Variants in PPM1L observed in about 807,000 individuals in gnomAD.
PPM1L encodes protein phosphatase, Mg2+/Mn2+ dependent 1L.
PPM1L carries 13 observed loss-of-function variants against 31.4 expected under a neutral mutation model. The observed-to-expected ratio is 0.41, with a 90% CI of 0.27 to 0.66. PPM1L has a LOEUF of 0.66. PPM1L is among the 30% of genes least tolerant of loss of function. The probability of loss-of-function intolerance (pLI) is 0.29; values close to 1 mark genes in which losing one functional copy is unlikely to be tolerated. For synonymous variants in PPM1L, 184 were observed against 175.4 expected (o/e 1.05, Z -0.39); for missense variants, 326 against 453.7 (o/e 0.72, Z 2.56).
intron 2 of PPM1L, among the ~76,000 whole-genome samples, chr3:160,993,509 C>G (rs903722709): frequency 2.6e-5 from 4 of 152,136 alleles, no homozygotes; most frequent in Non-Finnish European, 5.9e-5. Flanking sequence ...CTGCTCAGGT[C>G]TGGCAGTTGG....
rs1020352145 is a variant in PPM1L at position 160,914,099 on chromosome 3, G to A, written c.400-47637G>A. Among the ~76,000 whole-genome samples the A allele has an allele frequency of 4.6e-5, 7 of 152,116 alleles. No homozygotes were observed. In the South Asian group the frequency reaches 6.2e-4, roughly 14 times the overall value. On this transcript the variant is annotated intron_variant, in intron 1 of 3. Transcript: ENST00000498165. ...TTCCACATCTTTGCCAACACTTGGC[G>A]TAGACATTCTTTTTAATTTTAGTCA...
At chr3:160,790,886 A>G (rs1051079012) in intron 1 of PPM1L, among the ~76,000 whole-genome samples, 1 of 152,150 alleles carries the variant, frequency 6.6e-6, no homozygotes, top group Non-Finnish European at 1.5e-5. Flanking sequence ...TGACGTGGGA[A>G]GGAAATTGTT....
At chr3:160,980,862 A>G (rs996052401) in intron 2 of PPM1L, among the ~76,000 whole-genome samples, 5 of 152,184 alleles carry the variant, frequency 3.3e-5, no homozygotes, top group Non-Finnish European at 7.4e-5. Flanking sequence ...AATGATGGAC[A>G]TGCAGTAAAC....
Position 161,072,859 on chromosome 3 carries a change from C to T in PPM1L, c.*3702C>T, listed in dbSNP as rs1170346808. On this transcript the variant is annotated 3_prime_UTR_variant, in exon 4 of 4. Coordinates refer to ENST00000498165, the MANE Select transcript of PPM1L (RefSeq NM_139245.4). ...TTGTATAAAACTTTTCCAATGATTT[C>T]AGAAATTCTTTTTTCCTCCTTTTGA... 6.6e-6 allele frequency: 1 copy of T among 152,176 alleles called. No individual in the cohort carries two copies. Among genetic ancestry groups the T allele is most frequent in the African/African-American group, 2.4e-5 (1 of 41,444 alleles). The allele number at this position is 152,176 out of a possible 1,614,324, so 9.4% of individuals were successfully genotyped here. A position where few individuals can be genotyped will look rare whatever the true frequency, so the allele number is the denominator to read the frequency against.
At chr3:160,856,907 T>C (rs938579557) in intron 1 of PPM1L, among the ~76,000 whole-genome samples, 1 of 152,224 alleles carries the variant, frequency 6.6e-6, no homozygotes, top group East Asian at 1.9e-4. Flanking sequence ...TGGCAGTGGA[T>C]TTATTCAGTT....
In PPM1L at chr3:161,074,468, G is replaced by A. The variant is rs1202334693; in HGVS notation, c.*5311G>A. 6.6e-6 allele frequency: 1 copy of A among 152,108 alleles called. No homozygotes were observed. Among genetic ancestry groups the A allele is most frequent in the African/African-American group, 2.4e-5 (1 of 41,418 alleles). 9.4% of individuals were successfully genotyped at this position (152,108 alleles called of 1,614,324 possible). A position where few individuals can be genotyped will look rare whatever the true frequency, so the allele number is the denominator to read the frequency against. The stretch of plus-strand genomic sequence containing the variant: ...AACTTAAAATTACATCCAATATTTA[G>A]GAATAGCTCATCCTCTGCACATTAT... On this transcript the variant is annotated 3_prime_UTR_variant, in exon 4 of 4. Coordinates refer to ENST00000498165, the MANE Select transcript of PPM1L (RefSeq NM_139245.4).
chr3:160,789,054 A>G (rs574302840), intron 1 of PPM1L, among the ~76,000 whole-genome samples: 40 of 152,130 alleles, frequency 2.6e-4, no homozygotes, highest in Non-Finnish European at 5.2e-4. Flanking sequence ...TATTGAGATT[A>G]CATTACCTTT....
At chr3:161,032,598 T>C (rs1156909550) in intron 2 of PPM1L, among the ~76,000 whole-genome samples, 2 of 151,028 alleles carry the variant, frequency 1.3e-5, no homozygotes, top group Admixed American at 6.6e-5. Context: ...GGGATGGGGG[T>C]GAAGAGGGAG....
At chr3:160,972,659 T>C (rs1170150343) in intron 2 of PPM1L, among the ~76,000 whole-genome samples, 3 of 152,190 alleles carry the variant, frequency 2.0e-5, no homozygotes, top group African/African-American at 7.2e-5. Context: ...GCAATAAACA[T>C]ACATGTGCAT....
At position 160,919,035 on chromosome 3, in the gene PPM1L, G is replaced by C. The variant is rs1288207757; in HGVS notation, c.400-42701G>C. Among the ~76,000 whole-genome samples, 3 of 152,216 alleles carry C rather than the reference G, an allele frequency of 2.0e-5. No homozygotes were observed. In the East Asian group the frequency reaches 5.8e-4, roughly 29 times the overall value. On this transcript the variant is annotated intron_variant, in intron 1 of 3. Transcript: ENST00000498165. ...AGAAGGGTTATTTAACACTGGGATG[G>C]TTAGTGAAAAAGCTCGTGAAATCTC...
intron 1 of PPM1L, among the ~76,000 whole-genome samples, chr3:160,911,482 G>C (rs797007305): frequency 2.6e-5 from 4 of 152,292 alleles, no homozygotes; most frequent in African/African-American, 9.6e-5. Flanking sequence ...GAAGCTATAG[G>C]TCTAGTGGGT....
At position 160,756,647 on chromosome 3, in the gene PPM1L, G is replaced by C. The variant is rs1318230168; in HGVS notation, c.339G>C (p.Thr113=). The change falls in exon 1 of 4, where the codon ACG becomes ACC. Residue 113 remains threonine, a synonymous_variant. Transcript: ENST00000498165. This position sits in a 1 kb window ranked among gnomAD's most constrained non-coding sequence, Gnocchi z 6.2. ...DHMEDRFEVL[T]DLANKTHPSI... ...TGGAGGACCGCTTCGAAGTTCTCAC[G>C]GATCTGGCCAACAAGACGCACCCGT... 1.2e-6 allele frequency: 2 copies of C among 1,614,132 alleles called. No individual in the cohort carries two copies. The highest frequency in any genetic ancestry group is 1.7e-5 in the Admixed American group (1 of 60,026).
At chr3:161,019,426 G>A (rs1380728269) in intron 2 of PPM1L, among the ~76,000 whole-genome samples, 2 of 152,102 alleles carry the variant, frequency 1.3e-5, no homozygotes, top group Non-Finnish European at 2.9e-5. Context: ...TCGAACTCCA[G>A]ATCTCAAGTG....
At chr3:160,878,316 A>C (rs1712587416) in intron 1 of PPM1L, among the ~76,000 whole-genome samples, 1 of 152,226 alleles carries the variant, frequency 6.6e-6, no homozygotes, top group African/African-American at 2.4e-5. Context: ...GCTAGAACAA[A>C]AAATCATAGA....
At chr3:160,792,131 T>C (rs573611544) in intron 1 of PPM1L, among the ~76,000 whole-genome samples, 93 of 152,284 alleles carry the variant, frequency 6.1e-4, no homozygotes, top group Non-Finnish European at 1.1e-3. Flanking sequence ...AAATCCTTAC[T>C]TTTATATAGT....
At chr3:160,791,194 G>A (rs1024069787) in intron 1 of PPM1L, among the ~76,000 whole-genome samples, 9 of 152,126 alleles carry the variant, frequency 5.9e-5, no homozygotes, top group Non-Finnish European at 5.9e-5. Flanking sequence ...CATTTAAAGA[G>A]AGACATAAAA....
intron 1 of PPM1L, among the ~76,000 whole-genome samples, chr3:160,833,556 G>A (rs1475210958): frequency 6.6e-6 from 1 of 151,906 alleles, no homozygotes; most frequent in African/African-American, 2.4e-5. Context: ...TTTCAAATGT[G>A]TATTGGCTGC....
At chr3:160,993,111 G>A (rs929534171) in intron 2 of PPM1L, among the ~76,000 whole-genome samples, 1 of 151,362 alleles carries the variant, frequency 6.6e-6, no homozygotes, top group Non-Finnish European at 1.5e-5. Context: ...TTATACATGA[G>A]GATATAGAAT....
intron 1 of PPM1L, among the ~76,000 whole-genome samples, chr3:160,913,255 T>C (rs919771833): frequency 1.2e-4 from 18 of 152,246 alleles, no homozygotes; most frequent in South Asian, 6.2e-4. Context: ...GGTCACAGAA[T>C]AGGTAAATTC....
Sources: allele counts gnomAD v4.1 joint callset (sites outside exome capture counted in the v4.1 genomes callset), GRCh38; gene constraint gnomAD v4.1.1; non-coding constraint Gnocchi (gnomAD v3.1); transcripts MANE v1.5; gene names NCBI Gene and HGNC (gene_info 2026-07-23, HGNC 2026-07-21).